LUZP1: variants seen among roughly 807,000 people sequenced by gnomAD.
LUZP1 encodes the protein leucine zipper protein 1.
Under a neutral mutation model 71.3 loss-of-function variants are expected in LUZP1, and 25 were observed. The ratio of observed to expected loss-of-function variants is 0.35; its 90% confidence interval spans 0.26 to 0.49. The LOEUF (loss-of-function observed/expected upper bound fraction) is 0.49, where lower values mean the gene tolerates loss of function less well. Ranked by LOEUF, LUZP1 falls within the 20% of genes least tolerant of loss-of-function variation. LUZP1 has a pLI of 0.99. For synonymous variants in LUZP1, 481 were observed against 506.4 expected (o/e 0.95, Z 0.67); for missense variants, 1,142 against 1,300.8 (o/e 0.88, Z 1.88).
intron 2 of LUZP1, among the ~76,000 whole-genome samples, chr1:23,123,064 C>T (rs1644142640): frequency 6.6e-6 from 1 of 152,212 alleles, no homozygotes; most frequent in African/African-American, 2.4e-5. Flanking sequence ...AGGAGCCTCA[C>T]CTACCTAGAA....
chr1:23,175,791 C>T (rs933444698), intron 1 of LUZP1, among the ~76,000 whole-genome samples: 1 of 152,102 alleles, frequency 6.6e-6, no homozygotes, highest in Non-Finnish European at 1.5e-5. Flanking sequence ...ATAACAATTC[C>T]ATTAAGTGCT....
In LUZP1 at chr1:23,093,642, T is replaced by C. The variant is rs767482269; in HGVS notation, c.620A>G (p.Asn207Ser). ...AGTGAGTTCTTTTATCAATTTCTCATTTTCTTTCTCCTTTTCATTCAAGTA... is the reference window on the plus strand; with the variant it reads ...AGTGAGTTCTTTTATCAATTTCTCACTTTCTTTCTCCTTTTCATTCAAGTA... The change falls in exon 4 of 5, where the codon AAT becomes AGT. Residue 207 changes from asparagine (N) to serine (S), a missense_variant. By Grantham distance (46) the Asn-to-Ser change is conservative. Transcript: ENST00000302291. The surrounding 1 kb of genome is among the most constrained non-coding windows in gnomAD (Gnocchi z 4.2). 6.8e-6 allele frequency: 11 copies of C among 1,610,694 alleles called. No homozygotes were observed. Among genetic ancestry groups the C allele is most frequent in the Non-Finnish European group, 9.3e-6 (11 of 1,179,354 alleles).
chr1:23,087,158 T>C (rs560986675), exon 5 of LUZP1: 1 of 152,356 alleles, frequency 6.6e-6, no homozygotes, highest in East Asian at 1.9e-4. Flanking sequence ...TGGGCAAGGC[T>C]GATGCCACAA....
intron 2 of LUZP1, among the ~76,000 whole-genome samples, chr1:23,140,028 T>TTACA (rs2124705341): frequency 6.6e-6 from 1 of 152,122 alleles, no homozygotes; most frequent in African/African-American, 2.4e-5. Flanking sequence ...AAGTCAAAGG[T>TTACA]TACACTCAGG....
At chr1:23,091,107 GGCCAGAGCAGAGGGGAAAAA>G in intron 4 of LUZP1, 63 bp downstream of exon 3, 1 of 1,369,676 alleles carries the variant, frequency 7.3e-7, no homozygotes, top group Non-Finnish European at 1.0e-6. Flanking sequence ...GGGTCACACA[GGCCAGAGCAGAGGGGAAAAA>G]GGAAAAGGCA....
chr1:23,173,987 AT>A (rs546892340), intron 1 of LUZP1, among the ~76,000 whole-genome samples: 7 of 151,550 alleles, frequency 4.6e-5, no homozygotes, highest in South Asian at 2.1e-4. Flanking sequence ...AGCAGGGAGA[AT>A]TTTTTTTTGT....
chr1:23,177,227 C>T (rs1034368244), intron 1 of LUZP1, among the ~76,000 whole-genome samples: 5 of 152,118 alleles, frequency 3.3e-5, no homozygotes, highest in African/African-American at 9.7e-5. Flanking sequence ...GGATCACTGA[C>T]GCCTTTGAAA....
chr1:23,103,754 T>C (rs1205706137), intron 3 of LUZP1, among the ~76,000 whole-genome samples: 2 of 150,494 alleles, frequency 1.3e-5, no homozygotes, highest in Non-Finnish European at 3.0e-5. Context: ...TATTGCTGTA[T>C]TCCCCGCCCC....
At chr1:23,136,430 TGA>T (rs1001436903) in intron 2 of LUZP1, among the ~76,000 whole-genome samples, 25 of 150,598 alleles carry the variant, frequency 1.7e-4, no homozygotes, top group African/African-American at 5.2e-4. Flanking sequence ...TAAGAACAAA[TGA>T]GAGGGAGTAT....
intron 2 of LUZP1, among the ~76,000 whole-genome samples, chr1:23,158,875 G>A (rs1268230784): frequency 2.7e-5 from 4 of 150,106 alleles, no homozygotes; most frequent in Admixed American, 2.0e-4. Context: ...GCTGAGGCAG[G>A]AGAAGCCCTT....
At chr1:23,159,227 G>C (rs926362057) in intron 2 of LUZP1, among the ~76,000 whole-genome samples, 3 of 152,038 alleles carry the variant, frequency 2.0e-5, no homozygotes, top group African/African-American at 7.2e-5. Flanking sequence ...TGTAGTCCCA[G>C]CTACTCGGGA....
chr1:23,146,351 A>G (rs1644342853), intron 2 of LUZP1, among the ~76,000 whole-genome samples: 1 of 152,200 alleles, frequency 6.6e-6, no homozygotes, highest in South Asian at 2.1e-4. Context: ...TGAGATTAAC[A>G]TGTAACAGAT....
downstream of LUZP1, chr1:23,083,792 C>G (rs1643697748): frequency 6.5e-6 from 1 of 153,470 alleles, no homozygotes; most frequent in African/African-American, 2.4e-5. Context: ...TACATGTTTT[C>G]TCCATGTTTA....
intron 4 of LUZP1, among the ~76,000 whole-genome samples, chr1:23,089,432 A>T (rs546110237): frequency 1.7e-4 from 26 of 152,154 alleles, no homozygotes; most frequent in Admixed American, 3.9e-4. Context: ...TGAGGTCCAC[A>T]TCCTTGATGG....
At chr1:23,157,636 C>T (rs927808861) in intron 2 of LUZP1, among the ~76,000 whole-genome samples, 1 of 151,950 alleles carries the variant, frequency 6.6e-6, no homozygotes, top group Admixed American at 6.6e-5. Context: ...ACTAAAAATA[C>T]AAAAATTAGC....
chr1:23,092,918 T>C, exon 4 of LUZP1: 1 of 1,613,862 alleles, frequency 6.2e-7, no homozygotes. Context: ...CAGTTTTCTT[T>C]GTCTCCTGAG....
chr1:23,108,373 C>G (rs1197657504), intron 3 of LUZP1, among the ~76,000 whole-genome samples: 1 of 152,182 alleles, frequency 6.6e-6, no homozygotes, highest in African/African-American at 2.4e-5. Context: ...CTTTGGGAGA[C>G]TAAGGCAGGA....
chr1:23,118,744 T>C (rs1213067677), intron 2 of LUZP1, among the ~76,000 whole-genome samples: 1 of 152,232 alleles, frequency 6.6e-6, no homozygotes, highest in Non-Finnish European at 1.5e-5. Context: ...AGTCCTCTTC[T>C]TCCTGGCAGC....
chr1:23,109,487 G>T (rs978018279), intron 2 of LUZP1: 2 of 152,186 alleles, frequency 1.3e-5, no homozygotes, highest in African/African-American at 2.4e-5. Flanking sequence ...TCAGCTACAG[G>T]TTGAGCATCC....
Sources: gnomAD v4.1 joint callset for allele counts (sites outside exome capture counted in the v4.1 genomes callset) on GRCh38, gnomAD v4.1.1 for gene constraint, Gnocchi (gnomAD v3.1) non-coding constraint, MANE v1.5 for transcripts, NCBI Gene and HGNC (gene_info 2026-07-23, HGNC 2026-07-21) for gene names.